The following NCAN variants were observed in gnomAD, a reference collection of about 807,000 sequenced individuals.
NCAN encodes neurocan core protein.
NCAN carries 47 observed loss-of-function variants against 121.8 expected under a neutral mutation model. That is an observed-to-expected ratio of 0.39 (90% CI 0.31 to 0.49). The LOEUF (loss-of-function observed/expected upper bound fraction) is 0.49. Ranked by LOEUF, NCAN falls within the 20% of genes least tolerant of loss-of-function variation. The pLI is 0.92. For synonymous variants in NCAN, 633 were observed against 702.0 expected, an observed-to-expected ratio of 0.90 and a Z score of 1.55; for missense variants, 1,517 against 1,773.4, an observed-to-expected ratio of 0.86 and a Z score of 2.60.
At chr19:19,213,948 A>C (rs1241574006) in intron 1 of NCAN, among the ~76,000 whole-genome samples, 1 of 152,070 alleles carries the variant, frequency 6.6e-6, no homozygotes, top group Non-Finnish European at 1.5e-5. Flanking sequence ...GCTGAGGGTC[A>C]CTCAGACTCA....
Position 19,227,802 on chromosome 19 carries a change from C to T in NCAN, c.2182C>T (p.Pro728Ser), listed in dbSNP as rs752349170. The T allele has an allele frequency of 1.2e-6, 2 of 1,613,604 alleles. No homozygotes were observed. The highest frequency in any genetic ancestry group is 1.3e-5 in the African/African-American group (1 of 74,936). ...KAEHSSSSPW[P>S]SVNRNVAVGF... ...TGAGCACTCCAGCTCCAGCCCATGG[C>T]CTTCTGTAAACAGGAATGTGGCTGT... Residue 728 changes from proline to serine, a missense_variant, in exon 8 of 15, where the codon CCT becomes TCT. By Grantham distance (74) the Pro-to-Ser change is moderately conservative (BLOSUM62 -1). Transcript: ENST00000252575. This position sits in a 1 kb window ranked among gnomAD's most constrained non-coding sequence, Gnocchi z 4.2.
At chr19:19,245,492 C>A in intron 13 of NCAN, 35 bp downstream of exon 13, 1 of 1,600,418 alleles carries the variant, frequency 6.2e-7, no homozygotes. Context: ...TCCTCTCTGT[C>A]ACTTTTGCTC....
intron 9 of NCAN, among the ~76,000 whole-genome samples, chr19:19,234,110 G>A (rs1454487137): frequency 2.6e-5 from 4 of 152,190 alleles, no homozygotes; most frequent in Non-Finnish European, 4.4e-5. Context: ...CATCTCTGGT[G>A]TGCTGTCTCC....
At chr19:19,239,789 C>G (rs2060896195) in intron 11 of NCAN, among the ~76,000 whole-genome samples, 2 of 139,012 alleles carry the variant, frequency 1.4e-5, no homozygotes, top group Admixed American at 1.4e-4. Flanking sequence ...GCTCTTCCTC[C>G]TCCCTTCCAC....
Position 19,238,234 on chromosome 19 carries a change from C to A in NCAN, c.3251-19C>A, listed in dbSNP as rs1304487414. On this transcript the variant is annotated intron_variant, in intron 10 of 14. Coordinates refer to ENST00000252575, the MANE Select transcript of NCAN (RefSeq NM_004386.3). ...GGGCCAAGGCCAGCCCCCCCTCACG[C>A]TCCTATCCCATCTCCCAGACACCGA... 1 of 1,613,942 alleles carries A rather than the reference C, an allele frequency of 6.2e-7. No individual in the cohort carries two copies. Among genetic ancestry groups the A allele is most frequent in the East Asian group, 2.2e-5 (1 of 44,876 alleles).
chr19:19,244,309 C>CTTTTTTTTTTT (rs532412223), intron 12 of NCAN, among the ~76,000 whole-genome samples: 2 of 127,662 alleles, frequency 1.6e-5, no homozygotes, highest in South Asian at 2.5e-4. Context: ...CCCTTACTAT[C>CTTTTTTTTTTT]TTTTTTTTTT....
At chr19:19,236,745 T>G (rs1417936483) in intron 10 of NCAN, among the ~76,000 whole-genome samples, 1 of 145,222 alleles carries the variant, frequency 6.9e-6, no homozygotes, top group East Asian at 2.0e-4. Flanking sequence ...TTTTTTTTTT[T>G]GAAACAGGTT....
chr19:19,227,712 C>T lies in NCAN; in HGVS notation c.2092C>T (p.Pro698Ser). The change falls in exon 8 of 15, where the codon CCT becomes TCT. Residue 698 changes from proline to serine, a missense_variant. Coordinates refer to ENST00000252575, the MANE Select transcript of NCAN (RefSeq NM_004386.3). This position sits in a 1 kb window ranked among gnomAD's most constrained non-coding sequence, Gnocchi z 4.2. ...GQGGEAMPTT[P>S]ESPRADFRET... ...GGGTGGAGAGGCCATGCCCACAACA[C>T]CTGAGTCCCCCAGGGCAGACTTCAG... 1.2e-6 allele frequency: 2 copies of T among 1,613,990 alleles called. No individual in the cohort carries two copies. Among genetic ancestry groups the T allele is most frequent in the Non-Finnish European group, 1.7e-6 (2 of 1,180,032 alleles).
chr19:19,249,961 C>A lies in NCAN; in HGVS notation c.*50C>A, dbSNP rs148294163. 1.6e-4 allele frequency: 249 copies of A among 1,560,384 alleles called. 2 individuals carry two copies. Among genetic ancestry groups the A allele is most frequent in the African/African-American group, 1.3e-3 (94 of 73,516 alleles). ...CACCTTTCCCATGCCTCCTCTGGAG[C>A]CTTCGCCTGGGGAGACAGAACCCAG... is the stretch of plus-strand genomic sequence containing the variant. On this transcript the variant is annotated 3_prime_UTR_variant, in exon 15 of 15. Coordinates refer to ENST00000252575, the MANE Select transcript of NCAN (RefSeq NM_004386.3).
chr19:19,225,012 A>C lies in NCAN; in HGVS notation c.814A>C (p.Thr272Pro). 1 of 1,476,812 alleles carries C rather than the reference A, an allele frequency of 6.8e-7. No homozygotes were observed. The highest frequency in any genetic ancestry group is 8.9e-7 in the Non-Finnish European group (1 of 1,121,840). The allele number at this position is 1,476,812 out of a possible 1,614,324, so 91.5% of individuals were successfully genotyped here. ...VFYVGPARRL[T>P]LAGARAQCRR... ...CTACGTGGGCCCGGCCCGCCGCCTGACACTGGCCGGCGCGCGTGCACAGTG... is the reference window on the plus strand; with the variant it reads ...CTACGTGGGCCCGGCCCGCCGCCTGCCACTGGCCGGCGCGCGTGCACAGTG... The change falls in exon 6 of 15, where the codon ACA becomes CCA. Residue 272 changes from threonine (T) to proline (P), a missense_variant. Transcript: ENST00000252575. The surrounding 1 kb of genome is among the most constrained non-coding windows in gnomAD (Gnocchi z 4.0).
chr19:19,223,214 A>G (rs2060823256), intron 3 of NCAN, among the ~76,000 whole-genome samples: 1 of 152,164 alleles, frequency 6.6e-6, no homozygotes, highest in Non-Finnish European at 1.5e-5. Context: ...TAGCGCATGC[A>G]CTTAATTCCT....
chr19:19,231,282 G>T (rs2060858418), intron 8 of NCAN, among the ~76,000 whole-genome samples: 1 of 151,884 alleles, frequency 6.6e-6, no homozygotes, highest in African/African-American at 2.4e-5. Context: ...GCAACTAAGG[G>T]AGTGTCAAGG....
At position 19,226,934 on chromosome 19, in the gene NCAN, C is replaced by T. The variant is rs770992073; in HGVS notation, c.1521C>T (p.Ser507=). ...EPGLQGGMEA[S]AQPPTSEAAV... is the part of the protein sequence containing the mutation. The stretch of plus-strand genomic sequence containing the variant: ...GGCTGCAAGGGGGGATGGAGGCCAG[C>T]GCCCAGCCCCCCACCTCAGAGGCTG... The change falls in exon 7 of 15, where the codon AGC becomes AGT. Residue 507 remains serine (S), a synonymous_variant. Transcript: ENST00000252575. 1.9e-5 allele frequency: 30 copies of T among 1,582,236 alleles called. No homozygotes were observed. Among genetic ancestry groups the T allele is most frequent in the African/African-American group, 9.4e-5 (7 of 74,194 alleles).
intron 14 of NCAN, 61 bp from the exon 15 acceptor site, chr19:19,249,705 T>A: frequency 6.5e-7 from 1 of 1,539,914 alleles, no homozygotes; most frequent in Non-Finnish European, 8.7e-7. Context: ...ACCCGCTGCA[T>A]CAGGCCACCT....
chr19:19,227,252 T>C lies in NCAN; in HGVS notation c.1661-29T>C. On this transcript the variant is annotated intron_variant, in intron 7 of 14. Coordinates refer to ENST00000252575, the MANE Select transcript of NCAN (RefSeq NM_004386.3). This position sits in a 1 kb window ranked among gnomAD's most constrained non-coding sequence, Gnocchi z 4.2. Reference sequence around the variant, plus strand: ...AACCAAAGGGGCTGCTGAGAGATCATTGTAATGATTGCCTTGATGTTGTTG... The same window carrying C: ...AACCAAAGGGGCTGCTGAGAGATCACTGTAATGATTGCCTTGATGTTGTTG... 1 of 1,522,468 alleles carries C rather than the reference T, an allele frequency of 6.6e-7. No homozygotes were observed. The highest frequency in any genetic ancestry group is 1.3e-5 in the South Asian group (1 of 76,990). 94.3% of individuals were successfully genotyped at this position (1,522,468 alleles called of 1,614,324 possible).
At chr19:19,243,495 G>A (rs2060911321) in intron 12 of NCAN, among the ~76,000 whole-genome samples, 3 of 119,782 alleles carry the variant, frequency 2.5e-5, no homozygotes, top group Admixed American at 1.9e-4. Flanking sequence ...CAGCCTGGGC[G>A]ACAGAGAGAG....
Position 19,224,958 on chromosome 19 carries a change from C to A in NCAN, c.779-19C>A. On this transcript the variant is annotated intron_variant, in intron 5 of 14. Transcript: ENST00000252575. The stretch of plus-strand genomic sequence containing the variant: ...GAGGGTTCCCCAGCCCCCCTGACCT[C>A]CACCCGCCCCTCCCGCAGGCGAGGT... 7.1e-7 allele frequency: 1 copy of A among 1,413,746 alleles called. No homozygotes were observed. Among genetic ancestry groups the A allele is most frequent in the Non-Finnish European group, 9.2e-7 (1 of 1,089,682 alleles). 87.6% of individuals were successfully genotyped at this position (1,413,746 alleles called of 1,614,324 possible).
At chr19:19,232,389 CG>C (rs1385124139) in intron 8 of NCAN, among the ~76,000 whole-genome samples, 3 of 152,232 alleles carry the variant, frequency 2.0e-5, no homozygotes, top group African/African-American at 7.2e-5. Flanking sequence ...GGGCACCTGG[CG>C]GGGCTCATGT....
At chr19:19,243,641 C>T (rs1355686554) in intron 12 of NCAN, among the ~76,000 whole-genome samples, 4 of 152,162 alleles carry the variant, frequency 2.6e-5, no homozygotes, top group African/African-American at 4.8e-5. Flanking sequence ...GCGGAGGTTG[C>T]AGCGAGCCAA....
Sources: allele counts gnomAD v4.1 joint callset (sites outside exome capture counted in the v4.1 genomes callset), GRCh38; gene constraint gnomAD v4.1.1; non-coding constraint Gnocchi (gnomAD v3.1); transcripts MANE v1.5; gene names NCBI Gene and HGNC (gene_info 2026-07-23, HGNC 2026-07-21).